NAV3: variants seen among roughly 807,000 people sequenced by gnomAD.
NAV3 encodes pore membrane and/or filament interacting like protein 1.
In NAV3, 87 loss-of-function variants were observed where a neutral mutation model predicts 244.7. That is an observed-to-expected ratio of 0.36 (90% CI 0.30 to 0.42). The LOEUF (loss-of-function observed/expected upper bound fraction) is 0.42. NAV3 is among the 20% of genes least tolerant of loss of function. NAV3 has a pLI of 1.00. For synonymous variants in NAV3, 1,126 were observed against 1,042.2 expected, an observed-to-expected ratio of 1.08 and a Z score of -1.55; for missense variants, 2,663 against 2,893.3, an observed-to-expected ratio of 0.92 and a Z score of 1.83.
intron 12 of NAV3, among the ~76,000 whole-genome samples, chr12:78,101,704 G>A (rs542704723): frequency 1.3e-4 from 20 of 152,084 alleles, no homozygotes; most frequent in East Asian, 9.6e-4. Flanking sequence ...ACACTTCAGC[G>A]GTTGCAATGC....
rs35071310 is a variant in NAV3, at chr12:78,139,725, A to G, written c.4631-557A>G. Among the ~76,000 whole-genome samples, 1,405 of 146,376 alleles carry G rather than the reference A, an allele frequency of 9.6e-3. 125 individuals carry two copies. The East Asian group carries it at 0.22, about 23-fold the overall frequency. On this transcript the variant is annotated intron_variant, in intron 19 of 39. Coordinates refer to ENST00000397909, the MANE Select transcript of NAV3 (RefSeq NM_001024383.2). ...TCAATTTCTCTGAGACATCACCTTG[A>G]AAAAAAAAAGTATTTTTCTCTTCCT...
intron 1 of NAV3, among the ~76,000 whole-genome samples, chr12:77,874,246 T>G (rs1226014243): frequency 6.6e-6 from 1 of 151,890 alleles, no homozygotes; most frequent in Non-Finnish European, 1.5e-5. Context: ...TTGAGATGAG[T>G]CTCACTGTGT....
intron 2 of NAV3, among the ~76,000 whole-genome samples, chr12:77,770,590 T>A (rs192097364): frequency 6.6e-6 from 1 of 152,324 alleles, no homozygotes; most frequent in African/African-American, 2.4e-5. Flanking sequence ...CTGAATAGTT[T>A]ATGATAGACT....
intron 1 of NAV3, among the ~76,000 whole-genome samples, chr12:77,871,257 A>G (rs1487440439): frequency 2.6e-5 from 4 of 152,196 alleles, no homozygotes; most frequent in African/African-American, 9.6e-5. Flanking sequence ...GAAAAAAATT[A>G]GTAAAAGATT....
chr12:77,852,548 T>G lies in NAV3; in HGVS notation c.243+20844T>G, dbSNP rs555296393. On this transcript the variant is annotated intron_variant, in intron 1 of 39. Coordinates refer to ENST00000397909, the MANE Select transcript of NAV3 (RefSeq NM_001024383.2). ...AACGAGACTCCCTCTCATAAATAAA[T>G]AAATAAATAAATAAATAAATAAATA... 1.5e-4 allele frequency among the ~76,000 whole-genome samples: 23 copies of G among 149,298 alleles called. No individual in the cohort carries two copies. The South Asian group carries it at 4.1e-3, about 27-fold the overall frequency.
At chr12:77,687,438 C>T (rs1874807849) in intron 2 of NAV3, among the ~76,000 whole-genome samples, 1 of 152,042 alleles carries the variant, frequency 6.6e-6, no homozygotes, top group South Asian at 2.1e-4. Flanking sequence ...ATTTTTCCTC[C>T]TCTGGGTCCA....
intron 1 of NAV3, among the ~76,000 whole-genome samples, chr12:77,918,300 A>G (rs191491554): frequency 1.3e-5 from 2 of 152,194 alleles, no homozygotes; most frequent in African/African-American, 4.8e-5. Context: ...AACTGTATTA[A>G]CTTGCATAAT....
At chr12:78,045,954 G>A (rs1322110846) in intron 9 of NAV3, among the ~76,000 whole-genome samples, 1 of 152,146 alleles carries the variant, frequency 6.6e-6, no homozygotes, top group Non-Finnish European at 1.5e-5. Flanking sequence ...TCCTGGTTTA[G>A]TCTTGGGAGG....
intron 2 of NAV3, among the ~76,000 whole-genome samples, chr12:77,725,232 G>C (rs941484959): frequency 6.6e-5 from 10 of 151,878 alleles, no homozygotes; most frequent in African/African-American, 2.4e-4. Context: ...TACTATAAAA[G>C]GATAAGAAGA....
At chr12:77,853,186 A>G (rs1035913571) in intron 1 of NAV3, among the ~76,000 whole-genome samples, 7 of 152,096 alleles carry the variant, frequency 4.6e-5, no homozygotes, top group Non-Finnish European at 1.0e-4. Flanking sequence ...TTTTCTATGT[A>G]GTGTGATTTT....
chr12:77,607,787 A>C (rs1307914128), intron 2 of NAV3, among the ~76,000 whole-genome samples: 3 of 152,084 alleles, frequency 2.0e-5, no homozygotes, highest in Non-Finnish European at 4.4e-5. Context: ...TTTCATTTGC[A>C]TGTCTTGTCT....
At chr12:77,882,714 G>A (rs996193079) in intron 1 of NAV3, among the ~76,000 whole-genome samples, 1 of 151,920 alleles carries the variant, frequency 6.6e-6, no homozygotes, top group Non-Finnish European at 1.5e-5. Flanking sequence ...AAATCTATAA[G>A]GAATTTAAAC....
At chr12:78,105,567 A>G (rs1593601392) in intron 12 of NAV3, among the ~76,000 whole-genome samples, 2 of 151,992 alleles carry the variant, frequency 1.3e-5, no homozygotes, top group Non-Finnish European at 2.9e-5. Flanking sequence ...CAATAAAATT[A>G]TTTGTCTATT....
At chr12:78,019,547 CT>C (rs1876803187) in intron 8 of NAV3, among the ~76,000 whole-genome samples, 1 of 152,100 alleles carries the variant, frequency 6.6e-6, no homozygotes, top group South Asian at 2.1e-4. Flanking sequence ...TAATTGGAGA[CT>C]TTGCCTGATG....
At chr12:77,805,009 A>G (rs1265039230) in intron 2 of NAV3, among the ~76,000 whole-genome samples, 2 of 152,124 alleles carry the variant, frequency 1.3e-5, no homozygotes, top group African/African-American at 4.8e-5. Flanking sequence ...TGATTTTTGT[A>G]CATTGGTTAT....
At chr12:77,750,624 T>C (rs1019754033) in intron 2 of NAV3, among the ~76,000 whole-genome samples, 1 of 152,054 alleles carries the variant, frequency 6.6e-6, no homozygotes, top group Non-Finnish European at 1.5e-5. Context: ...AGGACATGAC[T>C]GTCTTGTTTG....
At position 77,831,518 on chromosome 12, in the gene NAV3, T is replaced by G; in HGVS notation, c.57T>G (p.Pro19=). Residue 19 remains proline, a synonymous_variant, in exon 1 of 40, where the codon CCT becomes CCG. Coordinates refer to ENST00000397909, the MANE Select transcript of NAV3 (RefSeq NM_001024383.2). ...KLRQPAVGSK[P]VHTALPIPNL... is the part of the protein sequence containing the mutation. ...GGCAGCCAGCTGTTGGGTCAAAGCC[T>G]GTGCATACTGCTCTTCCGATACCAA... is the stretch of plus-strand genomic sequence containing the variant. 1 of 1,614,040 alleles carries G rather than the reference T, an allele frequency of 6.2e-7. No individual in the cohort carries two copies. Among genetic ancestry groups the G allele is most frequent in the South Asian group, 1.1e-5 (1 of 91,056 alleles).
chr12:77,768,270 A>G (rs546148919), intron 2 of NAV3, among the ~76,000 whole-genome samples: 1 of 152,338 alleles, frequency 6.6e-6, no homozygotes, highest in African/African-American at 2.4e-5. Context: ...ACTGAGTGCC[A>G]GGCTACCAGG....
intron 12 of NAV3, among the ~76,000 whole-genome samples, chr12:78,072,088 G>T (rs1366534923): frequency 9.2e-5 from 14 of 152,088 alleles, no homozygotes; most frequent in South Asian, 8.3e-4. Context: ...AAGCAGAAAA[G>T]ATCCAAAATT....
Sources: allele counts gnomAD v4.1 joint callset (sites outside exome capture counted in the v4.1 genomes callset), GRCh38; gene constraint gnomAD v4.1.1; transcripts MANE v1.5; gene names NCBI Gene and HGNC (gene_info 2026-07-23, HGNC 2026-07-21).